The following ERC1 variants were observed in gnomAD, a reference collection of about 807,000 sequenced individuals.
ERC1 encodes the protein ELKS/RAB6-interacting/CAST family member 1, also known as RAB6 interacting protein 2.
Under a neutral mutation model 132.0 loss-of-function variants are expected in ERC1, and 56 were observed. The ratio of observed to expected loss-of-function variants is 0.42; its 90% CI spans 0.34 to 0.53. The LOEUF (loss-of-function observed/expected upper bound fraction) is 0.53. Ranked by LOEUF, ERC1 falls within the 20% of genes least tolerant of loss-of-function variation. ERC1 has a pLI of 0.03. For synonymous variants in ERC1, 478 were observed against 476.1 expected (o/e 1.00, Z -0.05); for missense variants, 1,202 against 1,349.9 (o/e 0.89, Z 1.72).
chr12:1,096,106 T>C (rs1944004543), intron 3 of ERC1, among the ~76,000 whole-genome samples: 1 of 152,120 alleles, frequency 6.6e-6, no homozygotes, highest in Non-Finnish European at 1.5e-5. Context: ...TTATGTGTTT[T>C]TCATAGAGAT....
chr12:1,052,610 A>G (rs1336988104), intron 2 of ERC1, among the ~76,000 whole-genome samples: 1 of 152,194 alleles, frequency 6.6e-6, no homozygotes, highest in Non-Finnish European at 1.5e-5. Context: ...AAGCAAAGAA[A>G]AACAGTACAG....
At chr12:1,355,428 TATAGCC>T (rs1187014027) in intron 15 of ERC1, among the ~76,000 whole-genome samples, 3 of 152,216 alleles carry the variant, frequency 2.0e-5, no homozygotes, top group African/African-American at 7.2e-5. Flanking sequence ...TGCTTTAAAA[TATAGCC>T]CCCTATTAAA....
chr12:1,114,160 A>C (rs1435226564), intron 6 of ERC1, among the ~76,000 whole-genome samples: 1 of 151,946 alleles, frequency 6.6e-6, no homozygotes, highest in African/African-American at 2.4e-5. Context: ...AGTAGCTGGG[A>C]TTACAGGCAT....
chr12:1,351,136 A>G (rs1446303477), intron 15 of ERC1, among the ~76,000 whole-genome samples: 1 of 152,184 alleles, frequency 6.6e-6, no homozygotes, highest in Non-Finnish European at 1.5e-5. Flanking sequence ...GACAAACCAT[A>G]TCCACACCAT....
At chr12:1,241,129 A>T (rs1481609587) in intron 13 of ERC1, among the ~76,000 whole-genome samples, 1 of 152,218 alleles carries the variant, frequency 6.6e-6, no homozygotes, top group East Asian at 1.9e-4. Flanking sequence ...GTTACCAAAG[A>T]TGAACTAATT....
At chr12:1,232,392 G>C (rs1317853820) in intron 12 of ERC1, among the ~76,000 whole-genome samples, 1 of 152,198 alleles carries the variant, frequency 6.6e-6, no homozygotes, top group Admixed American at 6.5e-5. Flanking sequence ...ATTTACGTGA[G>C]CTAGGTATTT....
chr12:1,281,355 G>T (rs1330225945), intron 14 of ERC1, among the ~76,000 whole-genome samples: 1 of 152,096 alleles, frequency 6.6e-6, no homozygotes, highest in Non-Finnish European at 1.5e-5. Context: ...CTTTTCAGAA[G>T]AGAAATTATC....
At chr12:1,481,265 A>ATTTCAGGT (rs1373936376) in intron 18 of ERC1, among the ~76,000 whole-genome samples, 1 of 152,250 alleles carries the variant, frequency 6.6e-6, no homozygotes, top group African/African-American at 2.4e-5. Context: ...TGAATAATCC[A>ATTTCAGGT]TTTCAGGTTG....
intron 2 of ERC1, among the ~76,000 whole-genome samples, chr12:1,050,096 G>A (rs944667370): frequency 1.3e-5 from 2 of 152,170 alleles, no homozygotes; most frequent in African/African-American, 4.8e-5. Context: ...GCAAATGGAT[G>A]TGGGACAAGA....
At position 1,493,759 on chromosome 12, in the gene ERC1, C is replaced by T; in HGVS notation, c.*3529C>T. 1 of 215,160 alleles carries T rather than the reference C, an allele frequency of 4.6e-6. No homozygotes were observed. Among genetic ancestry groups the T allele is most frequent in the Middle Eastern group, 1.5e-3 (1 of 678 alleles). The allele number at this position is 215,160 out of a possible 1,614,324, so 13.3% of individuals were successfully genotyped here. ...TCAAGAAGGGCATTGTGACTTGCCC[C>T]TCAATTTCTGTCCATTGAAGTCTGG... On this transcript the variant is annotated 3_prime_UTR_variant, in exon 19 of 19. Transcript: ENST00000360905.
At chr12:1,308,023 C>T (rs998430045) in intron 15 of ERC1, among the ~76,000 whole-genome samples, 2 of 152,106 alleles carry the variant, frequency 1.3e-5, no homozygotes, top group African/African-American at 2.4e-5. Context: ...TCAAAGGTCA[C>T]ATTTGTGTGA....
intron 7 of ERC1, among the ~76,000 whole-genome samples, chr12:1,132,601 G>A (rs900713738): frequency 1.3e-5 from 2 of 152,178 alleles, no homozygotes; most frequent in Non-Finnish European, 2.9e-5. Context: ...AGGCAGCAAT[G>A]TGGGGTCTCA....
chr12:1,312,547 C>T (rs1483603227), intron 15 of ERC1, among the ~76,000 whole-genome samples: 3 of 152,062 alleles, frequency 2.0e-5, no homozygotes, highest in East Asian at 1.9e-4. Flanking sequence ...TTAGTAGAGA[C>T]GAGGTTTCAC....
At position 1,110,268 on chromosome 12, in the gene ERC1, C is replaced by T. The variant is rs1392105312; in HGVS notation, c.1238C>T (p.Ala413Val). ...ATTCAGATGCTGAAATCGAATGGTG[C>T]TTTGAGTACTGAGGAAAGGGAAGAA... ...EEIQMLKSNG[A>V]LSTEEREEEM... The change falls in exon 5 of 19, where the codon GCT becomes GTT. Residue 413 changes from alanine (A) to valine (V), a missense_variant. By Grantham distance (64) the Ala-to-Val change is moderately conservative. Coordinates refer to ENST00000360905, the MANE Select transcript of ERC1 (RefSeq NM_178040.4). 9 of 1,613,060 alleles carry T rather than the reference C, an allele frequency of 5.6e-6. No homozygotes were observed. The African/African-American group carries it at 1.2e-4, about 22-fold the overall frequency.
At chr12:1,024,842 G>T in intron 1 of ERC1, among the ~76,000 whole-genome samples, 3 of 72,506 alleles carry the variant, frequency 4.1e-5, no homozygotes, top group East Asian at 4.4e-4. Flanking sequence ...AAAAAAAGTG[G>T]AAAAAAAAAA....
At chr12:1,453,411 G>T (rs1052395538) in intron 18 of ERC1, among the ~76,000 whole-genome samples, 2 of 152,174 alleles carry the variant, frequency 1.3e-5, no homozygotes, top group African/African-American at 4.8e-5. Flanking sequence ...GAAGGTTGCT[G>T]CCCTACCCCC....
intron 13 of ERC1, among the ~76,000 whole-genome samples, chr12:1,259,817 C>G (rs1324558275): frequency 6.6e-6 from 1 of 152,196 alleles, no homozygotes; most frequent in East Asian, 1.9e-4. Context: ...GCCACCACGC[C>G]CTGCTTTCTT....
chr12:1,248,152 T>C (rs897671172), intron 13 of ERC1, among the ~76,000 whole-genome samples: 1 of 152,178 alleles, frequency 6.6e-6, no homozygotes, highest in Non-Finnish European at 1.5e-5. Context: ...CCTTCAAGTA[T>C]AGAAGGTTTA....
intron 13 of ERC1, among the ~76,000 whole-genome samples, chr12:1,242,190 C>T (rs973197095): frequency 3.3e-5 from 5 of 152,050 alleles, no homozygotes; most frequent in Non-Finnish European, 5.9e-5. Flanking sequence ...TCATCTTCAA[C>T]GTCATTAACT....
Sources: allele counts gnomAD v4.1 joint callset (sites outside exome capture counted in the v4.1 genomes callset), GRCh38; gene constraint gnomAD v4.1.1; transcripts MANE v1.5; gene names NCBI Gene and HGNC (gene_info 2026-07-23, HGNC 2026-07-21).